The following CADM1 variants were observed in gnomAD, a reference collection of about 807,000 sequenced individuals.
CADM1 encodes the protein TSLC-1.
A neutral mutation model predicts 53.1 loss-of-function variants in CADM1; 15 were observed. The ratio of observed to expected loss-of-function variants is 0.28; its 90% CI spans 0.19 to 0.44. The LOEUF (loss-of-function observed/expected upper bound fraction) is 0.44, where lower values mean the gene tolerates loss of function less well. CADM1 is among the 20% of genes least tolerant of loss of function. CADM1 has a pLI of 1.00. For synonymous variants in CADM1, 281 were observed against 243.0 expected, an observed-to-expected ratio of 1.16 and a Z score of -1.45; for missense variants, 434 against 611.3, an observed-to-expected ratio of 0.71 and a Z score of 3.06.
chr11:115,436,091 C>T (rs1948177322), intron 1 of CADM1, among the ~76,000 whole-genome samples: 1 of 152,172 alleles, frequency 6.6e-6, no homozygotes, highest in Admixed American at 6.5e-5. Context: ...ACAAAGATAA[C>T]TACTGTTCTA....
intron 1 of CADM1, among the ~76,000 whole-genome samples, chr11:115,454,261 G>A (rs1306051626): frequency 6.6e-6 from 1 of 152,146 alleles, no homozygotes; most frequent in Non-Finnish European, 1.5e-5. Context: ...TTTCACTTGA[G>A]GAAGCTGTAA....
intron 1 of CADM1, among the ~76,000 whole-genome samples, chr11:115,420,870 C>G (rs1412942263): frequency 1.3e-5 from 2 of 152,206 alleles, no homozygotes; most frequent in Non-Finnish European, 2.9e-5. Flanking sequence ...TCGTCTTACA[C>G]TGGTTCTTGG....
Position 115,231,347 on chromosome 11 carries a change from G to C in CADM1, c.562+6C>G. On this transcript the variant is annotated splice_donor_region_variant and intron_variant, in intron 4 of 11. Transcript: ENST00000331581. ...CTACTTCAGTGTGTGGCAATCTGCA[G>C]CTTACCTTTTAGCTCTGTGTTCCCT... 1 of 1,614,116 alleles carries C rather than the reference G, an allele frequency of 6.2e-7. No individual in the cohort carries two copies. Among genetic ancestry groups the C allele is most frequent in the Middle Eastern group, 1.7e-4 (1 of 6,060 alleles).
intron 1 of CADM1, among the ~76,000 whole-genome samples, chr11:115,434,947 G>A (rs924834131): frequency 1.4e-5 from 2 of 147,056 alleles, no homozygotes; most frequent in East Asian, 2.0e-4. Flanking sequence ...CACAACTTCC[G>A]CTTCCTGGGT....
chr11:115,375,566 G>A (rs1275563344), intron 1 of CADM1, among the ~76,000 whole-genome samples: 3 of 152,074 alleles, frequency 2.0e-5, no homozygotes, highest in Non-Finnish European at 4.4e-5. Context: ...TATTTGATAC[G>A]ATGACAATAT....
chr11:115,240,650 G>A, intron 1 of CADM1: 2 of 556,604 alleles, frequency 3.6e-6, no homozygotes, highest in Admixed American at 5.7e-5. Context: ...CAAAAGCTGT[G>A]GTACAAAAGG....
chr11:115,357,739 T>C (rs894841595), intron 1 of CADM1, among the ~76,000 whole-genome samples: 1 of 152,206 alleles, frequency 6.6e-6, no homozygotes, highest in Non-Finnish European at 1.5e-5. Context: ...GTCTGTGCTT[T>C]AGCTAAATAA....
At chr11:115,244,000 G>C (rs1942327666) in intron 1 of CADM1, among the ~76,000 whole-genome samples, 2 of 152,158 alleles carry the variant, frequency 1.3e-5, no homozygotes, top group Non-Finnish European at 2.9e-5. Context: ...ATATGGGTGA[G>C]GTTTAGAAGA....
intron 1 of CADM1, among the ~76,000 whole-genome samples, chr11:115,249,636 A>G (rs891138833): frequency 4.6e-4 from 70 of 152,346 alleles, no homozygotes; most frequent in African/African-American, 1.6e-3. Flanking sequence ...TGTTCCTACA[A>G]AATCTAAGGG....
chr11:115,277,383 A>G (rs1943473432), intron 1 of CADM1, among the ~76,000 whole-genome samples: 4 of 152,210 alleles, frequency 2.6e-5, no homozygotes, highest in Admixed American at 2.6e-4. Context: ...GCAGAACACT[A>G]TCATTAATAA....
intron 1 of CADM1, among the ~76,000 whole-genome samples, chr11:115,398,576 CAAT>C (rs1367699430): frequency 6.6e-6 from 1 of 152,164 alleles, no homozygotes; most frequent in Non-Finnish European, 1.5e-5. Context: ...CTAAACACAA[CAAT>C]GTGACAATTA....
intron 1 of CADM1, among the ~76,000 whole-genome samples, chr11:115,424,957 A>C (rs1477133915): frequency 6.6e-6 from 1 of 152,220 alleles, no homozygotes; most frequent in Admixed American, 6.5e-5. Flanking sequence ...AGATTGTTTT[A>C]ATGTGACTAG....
At chr11:115,496,421 C>T (rs912025841) in intron 1 of CADM1, among the ~76,000 whole-genome samples, 5 of 152,136 alleles carry the variant, frequency 3.3e-5, no homozygotes, top group African/African-American at 1.2e-4. Flanking sequence ...GGCAGAACCA[C>T]TTTCTTCCTC....
At chr11:115,295,549 T>TATATAAAA (rs1242865488) in intron 1 of CADM1, among the ~76,000 whole-genome samples, 1 of 51,754 alleles carries the variant, frequency 1.9e-5, no homozygotes, top group African/African-American at 2.2e-4. Flanking sequence ...TATATATATA[T>TATATAAAA]AATATATATG....
At position 115,437,497 on chromosome 11, in the gene CADM1, A is replaced by G. The variant is rs1948209950; in HGVS notation, c.124+66774T>C. ...TTCTACAAAAACAAATCAGCGCAGG[A>G]AGACATTTTCTCACTATGGCATGCT... is the stretch of plus-strand genomic sequence containing the variant. On this transcript the variant is annotated intron_variant, in intron 1 of 11. Coordinates refer to ENST00000331581, the MANE Select transcript of CADM1 (RefSeq NM_001301043.2). 2.0e-5 allele frequency among the ~76,000 whole-genome samples: 3 copies of G among 152,352 alleles called. No homozygotes were observed. In the South Asian group the frequency reaches 6.2e-4, roughly 32 times the overall value.
chr11:115,435,737 TAAATA>T lies in CADM1; in HGVS notation c.124+68529_124+68533del, dbSNP rs1000623758. Among the ~76,000 whole-genome samples, 776 of 152,236 alleles carry T rather than the reference TAAATA, an allele frequency of 5.1e-3. 6 individuals carry two copies. The highest frequency in any genetic ancestry group is 0.018 in the African/African-American group (745 of 41,540). On this transcript the variant is annotated intron_variant, in intron 1 of 11. Transcript: ENST00000331581. ...TAGAGTGAGACTCCGTCTCAAAAAA[TAAATA>T]AAATAAAATAAGTTGTACTGGAACA...
rs73576190 is a variant in CADM1 at position 115,319,226 on chromosome 11, A to T, written c.125-78806T>A. Among the ~76,000 whole-genome samples, 1,174 of 152,280 alleles carry T rather than the reference A, an allele frequency of 7.7e-3. 17 individuals carry two copies. Among genetic ancestry groups the T allele is most frequent in the African/African-American group, 0.025 (1,048 of 41,566 alleles). ...CCTCACATCTAGGTCATGAGCTTTAAGAGGAAGTGTTGCGTGGGTTGGAAA... is the reference window on the plus strand; with the variant it reads ...CCTCACATCTAGGTCATGAGCTTTATGAGGAAGTGTTGCGTGGGTTGGAAA... On this transcript the variant is annotated intron_variant, in intron 1 of 11. Transcript: ENST00000331581.
chr11:115,174,265 GATTTTTT>G lies in CADM1; in HGVS notation c.*2202_*2208del. The G allele has an allele frequency of 1.1e-6, 1 of 950,116 alleles. No individual in the cohort carries two copies. Among genetic ancestry groups the G allele is most frequent in the Non-Finnish European group, 1.2e-6 (1 of 814,420 alleles). 58.9% of individuals were successfully genotyped at this position (950,116 alleles called of 1,614,324 possible). A position where few individuals can be genotyped will look rare whatever the true frequency, so the allele number is the denominator to read the frequency against. On this transcript the variant is annotated 3_prime_UTR_variant, in exon 12 of 12. Transcript: ENST00000331581. ...ATGCCAATTCTGTGAGCAATGGTGT[GATTTTTT>G]TTTTTTGTTTTTGTTTTTGTTTTTC...
chr11:115,200,124 CT>C (rs1231086298), intron 8 of CADM1, among the ~76,000 whole-genome samples: 2 of 152,214 alleles, frequency 1.3e-5, no homozygotes, highest in Non-Finnish European at 2.9e-5. Flanking sequence ...CTTAATATTA[CT>C]GATAGCTTAG....
Sources: gnomAD v4.1 joint callset for allele counts (sites outside exome capture counted in the v4.1 genomes callset) on GRCh38, gnomAD v4.1.1 for gene constraint, MANE v1.5 for transcripts, NCBI Gene and HGNC (gene_info 2026-07-23, HGNC 2026-07-21) for gene names.